Variants in KLHL4 observed in about 807,000 individuals in gnomAD.
KLHL4 encodes the protein kelch-like protein 4.
Under a neutral mutation model 45.8 loss-of-function variants are expected in KLHL4, and 17 were observed. That is an observed-to-expected ratio of 0.37 (90% CI 0.25 to 0.56). KLHL4 has a LOEUF of 0.56. Among genes scored for constraint, KLHL4 ranks in the 20% least tolerant of loss-of-function variants. The probability of loss-of-function intolerance (pLI) is 0.79; values close to 1 mark genes in which losing one functional copy is unlikely to be tolerated. For synonymous variants in KLHL4, 224 were observed against 189.9 expected (o/e 1.18, Z -1.47); for missense variants, 544 against 544.9 (o/e 1.00, Z 0.02).
intron 9 of KLHL4, among the ~76,000 whole-genome samples, chrX:87,650,938 C>T (rs151141127): frequency 0.016 from 1,787 of 111,305 alleles, 21 homozygotes; most frequent in Non-Finnish European, 0.024. Context: ...GATCATGAGA[C>T]GTATTCACTA....
intron 1 of KLHL4, among the ~76,000 whole-genome samples, chrX:87,533,109 CT>C (rs1473531889): frequency 3.7e-5 from 4 of 108,424 alleles, no homozygotes; most frequent in Admixed American, 1.0e-4. Flanking sequence ...GTTGGTGGGA[CT>C]GTAAACTAGT....
intron 3 of KLHL4, 89 bp downstream of exon 3, chrX:87,614,659 A>ATAC: frequency 1.3e-6 from 1 of 798,619 alleles, no homozygotes; most frequent in Non-Finnish European, 1.8e-6. Flanking sequence ...ATTGCTACTA[A>ATAC]TACTACTACT....
intron 8 of KLHL4, among the ~76,000 whole-genome samples, chrX:87,635,150 C>A (rs1301097546): frequency 3.6e-5 from 4 of 111,614 alleles, no homozygotes; most frequent in African/African-American, 1.3e-4. Context: ...TAAAGTCATA[C>A]ATAAAAACAA....
intron 9 of KLHL4, among the ~76,000 whole-genome samples, chrX:87,636,989 C>T (rs183776120): frequency 9.0e-6 from 1 of 111,684 alleles, no homozygotes; most frequent in Admixed American, 9.5e-5. Context: ...CCTATACAAA[C>T]GGAACTGATG....
rs980693967 is a variant in KLHL4, at chrX:87,668,935, T to C, written c.*2401T>C. 22 of 752,812 alleles carry C rather than the reference T, an allele frequency of 2.9e-5. No individual in the cohort carries two copies. The African/African-American group carries it at 4.4e-4, about 15-fold the overall frequency. The allele number at this position is 752,812 out of a possible 1,213,427, so 62.0% of individuals were successfully genotyped here. Reference sequence around the variant, plus strand: ...AGCCTCAGAAAATGAACTAAGACAATGCCCTAGATGAGCTGCCAAAATCTG... The same window carrying C: ...AGCCTCAGAAAATGAACTAAGACAACGCCCTAGATGAGCTGCCAAAATCTG... On this transcript the variant is annotated 3_prime_UTR_variant, in exon 11 of 11. Transcript: ENST00000373119.
At chrX:87,531,229 T>A (rs1931268103) in intron 1 of KLHL4, among the ~76,000 whole-genome samples, 1 of 110,707 alleles carries the variant, frequency 9.0e-6, no homozygotes, top group Non-Finnish European at 1.9e-5. Flanking sequence ...CTGTTCACTC[T>A]GATGGTAGTT....
chrX:87,591,995 T>TC (rs200583560), intron 1 of KLHL4, among the ~76,000 whole-genome samples: 62 of 108,115 alleles, frequency 5.7e-4, no homozygotes, highest in Middle Eastern at 4.8e-3. Flanking sequence ...CATCCAAACT[T>TC]CCCCCCCCAC....
chrX:87,612,089 A>G (rs1922398152), intron 1 of KLHL4, among the ~76,000 whole-genome samples: 1 of 112,037 alleles, frequency 8.9e-6, no homozygotes, highest in Non-Finnish European at 1.9e-5. Flanking sequence ...AAGTTACAGA[A>G]AGCTATGATT....
At chrX:87,573,167 G>A (rs1361471980) in intron 1 of KLHL4, among the ~76,000 whole-genome samples, 2 of 111,304 alleles carry the variant, frequency 1.8e-5, no homozygotes, top group African/African-American at 6.5e-5. Flanking sequence ...GGCTTTAAAC[G>A]ACAATCAGAA....
chrX:87,648,876 T>C (rs907645226), intron 9 of KLHL4, among the ~76,000 whole-genome samples: 19 of 111,138 alleles, frequency 1.7e-4, no homozygotes, highest in Middle Eastern at 4.6e-3. Context: ...GGTCAATCAC[T>C]GCCTCAGATG....
chrX:87,534,714 G>T (rs1299654688), intron 1 of KLHL4, among the ~76,000 whole-genome samples: 1 of 111,448 alleles, frequency 9.0e-6, no homozygotes, highest in South Asian at 3.8e-4. Context: ...CAGCAACTTG[G>T]CATGGATCAC....
At chrX:87,579,680 A>G (rs1231553225) in intron 1 of KLHL4, among the ~76,000 whole-genome samples, 2 of 112,085 alleles carry the variant, frequency 1.8e-5, no homozygotes, top group Non-Finnish European at 3.8e-5. Flanking sequence ...TAGTAGGATG[A>G]TATATTCAAT....
At chrX:87,636,762 G>A (rs1349128726) in intron 9 of KLHL4, among the ~76,000 whole-genome samples, 1 of 109,564 alleles carries the variant, frequency 9.1e-6, no homozygotes, top group Non-Finnish European at 1.9e-5. Context: ...TAATCCCCCT[G>A]GGAACATAAC....
chrX:87,653,995 G>A (rs759527266), intron 9 of KLHL4, among the ~76,000 whole-genome samples: 7 of 110,644 alleles, frequency 6.3e-5, no homozygotes, highest in African/African-American at 1.3e-4. Flanking sequence ...TGTGGGGGTC[G>A]GGGAGATCAT....
rs200306559 is a variant in KLHL4, at chrX:87,666,501, T to C, written c.2124T>C (p.Ala708=). Reference sequence around the variant, plus strand: ...AAGTTCCTGTTAACATTGGAAGAGCTGGTGCATGTGTTGTAGTGGTGAAGC... The same window carrying C: ...AAGTTCCTGTTAACATTGGAAGAGCCGGTGCATGTGTTGTAGTGGTGAAGC... ...KEEVPVNIGR[A]GACVVVVKLP The change falls in exon 11 of 11, where the codon GCT becomes GCC. Residue 708 remains alanine (A), a synonymous_variant. Transcript: ENST00000373119. The C allele has an allele frequency of 2.5e-6, 3 of 1,189,796 alleles. 1 individual carries two copies. The East Asian group carries it at 9.0e-5, about 36-fold the overall frequency.
chrX:87,631,768 C>A (rs1923103678), intron 6 of KLHL4, among the ~76,000 whole-genome samples: 2 of 111,986 alleles, frequency 1.8e-5, no homozygotes, highest in Non-Finnish European at 3.8e-5. Flanking sequence ...AACACACACA[C>A]ACAAATAAAC....
intron 9 of KLHL4, among the ~76,000 whole-genome samples, chrX:87,644,101 A>C (rs1300890916): frequency 9.0e-6 from 1 of 111,420 alleles, no homozygotes; most frequent in African/African-American, 3.3e-5. Context: ...AGTAAAAAGG[A>C]AGTCAAACTC....
At position 87,669,228 on chromosome X, in the gene KLHL4, A is replaced by G; in HGVS notation, c.*2694A>G. On this transcript the variant is annotated 3_prime_UTR_variant, in exon 11 of 11. Transcript: ENST00000373119. ...CAATGTTGCTTCTTGATTTTTTTCT[A>G]TAATCACTATGACCGTGTTCACGAT... 8.9e-7 allele frequency: 1 copy of G among 1,119,694 alleles called. No homozygotes were observed. Among genetic ancestry groups the G allele is most frequent in the Middle Eastern group, 2.7e-4 (1 of 3,687 alleles). The allele number at this position is 1,119,694 out of a possible 1,213,427, so 92.3% of individuals were successfully genotyped here. A position where few individuals can be genotyped will look rare whatever the true frequency, so the allele number is the denominator to read the frequency against.
chrX:87,544,159 A>T (rs1183625331), intron 1 of KLHL4, among the ~76,000 whole-genome samples: 1 of 110,919 alleles, frequency 9.0e-6, no homozygotes, highest in Non-Finnish European at 1.9e-5. Context: ...CTTGAGCCTT[A>T]AGAGAACATT....
Sources: gnomAD v4.1 joint callset for allele counts (sites outside exome capture counted in the v4.1 genomes callset) on GRCh38, gnomAD v4.1.1 for gene constraint, MANE v1.5 for transcripts, NCBI Gene and HGNC (gene_info 2026-07-23, HGNC 2026-07-21) for gene names.